The following RHOBTB1 variants were observed in gnomAD, a reference collection of about 807,000 sequenced individuals.
RHOBTB1 encodes the protein rho-related BTB domain-containing protein 1.
A neutral mutation model predicts 71.6 loss-of-function variants in RHOBTB1; 40 were observed. The ratio of observed to expected loss-of-function variants is 0.56; its 90% CI spans 0.43 to 0.73. The LOEUF (loss-of-function observed/expected upper bound fraction) is 0.73, where lower values mean the gene tolerates loss of function less well. Ranked by LOEUF, RHOBTB1 falls within the 30% of genes least tolerant of loss-of-function variation. The pLI, the probability that RHOBTB1 is intolerant of heterozygous loss-of-function variation, is 0.00. For synonymous variants in RHOBTB1, 319 were observed against 334.9 expected (o/e 0.95, Z 0.52); for missense variants, 797 against 894.0 (o/e 0.89, Z 1.38).
intron 2 of RHOBTB1, among the ~76,000 whole-genome samples, chr10:60,979,473 A>G (rs1168144989): frequency 6.6e-6 from 1 of 152,220 alleles, no homozygotes; most frequent in African/African-American, 2.4e-5. Flanking sequence ...AAACTATAAT[A>G]AAGGCAGAAC....
At chr10:61,001,443 G>A (rs1174159582), upstream of RHOBTB1, 1 of 151,450 alleles carries the variant, frequency 6.6e-6, no homozygotes, top group Non-Finnish European at 1.5e-5. Context: ...GTCCCGCCGG[G>A]CGGCCGAGGC....
chr10:60,908,797 A>G (rs566943877), intron 4 of RHOBTB1, among the ~76,000 whole-genome samples: 1 of 152,330 alleles, frequency 6.6e-6, no homozygotes, highest in South Asian at 2.1e-4. Flanking sequence ...CTGTGTCAGG[A>G]CGCCTGGAGG....
chr10:60,910,939 G>T lies in RHOBTB1; in HGVS notation c.244C>A (p.Leu82Ile). The T allele has an allele frequency of 6.2e-7, 1 of 1,614,100 alleles. No homozygotes were observed. The highest frequency in any genetic ancestry group is 8.5e-7 in the Non-Finnish European group (1 of 1,180,026). The change falls in exon 4 of 11, where the codon CTT (leucine) becomes ATT (isoleucine). Residue 82 changes from leucine (L) to isoleucine (I), a missense_variant. By Grantham distance (5) the Leu-to-Ile change is conservative. Transcript: ENST00000337910. ...VVDEVSVSLRLWDTFGDHHKD... is the reference protein window; with the variant it reads ...VVDEVSVSLRIWDTFGDHHKD... Reference sequence around the variant, plus strand: ...TGATGATCACCAAAAGTATCCCAAAGCCTGAGAGAAACACTCACTTCATCA... The same window carrying T: ...TGATGATCACCAAAAGTATCCCAAATCCTGAGAGAAACACTCACTTCATCA...
chr10:60,974,184 A>G (rs546273840), intron 2 of RHOBTB1, among the ~76,000 whole-genome samples: 10 of 152,206 alleles, frequency 6.6e-5, no homozygotes, highest in Admixed American at 3.9e-4. Flanking sequence ...CAGCAGTTTC[A>G]AATACATATA....
chr10:60,979,312 C>T (rs1190069736), intron 2 of RHOBTB1, among the ~76,000 whole-genome samples: 1 of 151,692 alleles, frequency 6.6e-6, no homozygotes, highest in Non-Finnish European at 1.5e-5. Flanking sequence ...AGTGTCTTGC[C>T]CAATAGGAAA....
chr10:60,946,396 G>A (rs1306134560), upstream of RHOBTB1, among the ~76,000 whole-genome samples: 2 of 152,128 alleles, frequency 1.3e-5, no homozygotes, highest in Admixed American at 6.5e-5. Flanking sequence ...AAAGAAATGG[G>A]AATCAACATG....
intron 2 of RHOBTB1, among the ~76,000 whole-genome samples, chr10:60,912,211 ATGTG>A (rs1589275782): frequency 6.8e-6 from 1 of 146,668 alleles, no homozygotes; most frequent in African/African-American, 2.6e-5. Context: ...GTGTATATAT[ATGTG>A]TATATATATA....
Position 60,910,901 on chromosome 10 carries a change from G to A in RHOBTB1, c.282C>T (p.Arg94=). Residue 94 remains arginine, a synonymous_variant, in exon 4 of 11, where the codon CGC becomes CGT. Coordinates refer to ENST00000337910, the MANE Select transcript of RHOBTB1 (RefSeq NM_014836.5). The stretch of plus-strand genomic sequence containing the variant: ...TCTTGGTTTACCTGCCATATGCAAA[G>A]CGTCTGTCTTTGTGATGATCACCAA... The part of the protein sequence containing the change: ...DTFGDHHKDR[R]FAYGRSDVVV... 2 of 1,613,698 alleles carry A rather than the reference G, an allele frequency of 1.2e-6. No homozygotes were observed. Among genetic ancestry groups the A allele is most frequent in the South Asian group, 2.2e-5 (2 of 91,070 alleles).
chr10:60,947,521 T>A (rs2085277776), upstream of RHOBTB1, among the ~76,000 whole-genome samples: 1 of 151,436 alleles, frequency 6.6e-6, no homozygotes, highest in African/African-American at 2.4e-5. Context: ...ATCTCTAGAG[T>A]TTTTTTATTG....
chr10:60,901,162 A>G (rs1445448027), intron 4 of RHOBTB1, among the ~76,000 whole-genome samples: 1 of 152,206 alleles, frequency 6.6e-6, no homozygotes, highest in East Asian at 1.9e-4. Context: ...ATACATTGAA[A>G]AAAGAATTCA....
chr10:60,997,518 A>G (rs925102357), intron 1 of RHOBTB1, among the ~76,000 whole-genome samples: 2 of 152,222 alleles, frequency 1.3e-5, no homozygotes, highest in African/African-American at 4.8e-5. Flanking sequence ...AAAAGTTAAC[A>G]TTTTGGTGCT....
At chr10:60,914,553 A>C (rs1164470716) in intron 2 of RHOBTB1, among the ~76,000 whole-genome samples, 1 of 152,202 alleles carries the variant, frequency 6.6e-6, no homozygotes, top group Non-Finnish European at 1.5e-5. Context: ...GTAAAAATGG[A>C]GAATGGGACA....
intron 4 of RHOBTB1, among the ~76,000 whole-genome samples, chr10:60,893,862 G>A (rs1465098507): frequency 2.0e-5 from 3 of 152,120 alleles, no homozygotes; most frequent in East Asian, 3.9e-4. Context: ...CTGCTAAAAG[G>A]AATCTTTCAT....
At chr10:60,923,453 A>C (rs542841759) in intron 2 of RHOBTB1, among the ~76,000 whole-genome samples, 10 of 152,244 alleles carry the variant, frequency 6.6e-5, no homozygotes, top group Non-Finnish European at 1.3e-4. Flanking sequence ...AACAGTACAT[A>C]GTAGACTTGA....
At chr10:60,960,699 TGATTACAATTA>T (rs2085748948) in intron 2 of RHOBTB1, among the ~76,000 whole-genome samples, 1 of 152,200 alleles carries the variant, frequency 6.6e-6, no homozygotes, top group Non-Finnish European at 1.5e-5. Context: ...GAACTTGAAA[TGATTACAATTA>T]GATTGCATTT....
intron 7 of RHOBTB1, among the ~76,000 whole-genome samples, chr10:60,882,523 A>G (rs1043832707): frequency 4.6e-5 from 7 of 152,172 alleles, no homozygotes; most frequent in South Asian, 2.1e-4. Context: ...AAAAAAGTTA[A>G]ATTAAAATCA....
chr10:60,971,344 G>A (rs575987577), intron 2 of RHOBTB1, among the ~76,000 whole-genome samples: 1 of 152,088 alleles, frequency 6.6e-6, no homozygotes, highest in African/African-American at 2.4e-5. Context: ...TACCAAAACA[G>A]ATATATAGAC....
chr10:60,918,725 AT>A (rs1416716351), intron 2 of RHOBTB1, among the ~76,000 whole-genome samples: 1 of 150,930 alleles, frequency 6.6e-6, no homozygotes, highest in Non-Finnish European at 1.5e-5. Flanking sequence ...CTCTTGTTAT[AT>A]TTGCATTTCT....
At chr10:60,903,399 C>T (rs150843388) in intron 4 of RHOBTB1, among the ~76,000 whole-genome samples, 1 of 152,136 alleles carries the variant, frequency 6.6e-6, no homozygotes, top group Non-Finnish European at 1.5e-5. Context: ...TGAGAGGACC[C>T]ACTTGATCAC....
Sources: gnomAD v4.1 joint callset for allele counts (sites outside exome capture counted in the v4.1 genomes callset) on GRCh38, gnomAD v4.1.1 for gene constraint, MANE v1.5 for transcripts, NCBI Gene and HGNC (gene_info 2026-07-23, HGNC 2026-07-21) for gene names.